Variants in PHF14 observed in about 807,000 individuals in gnomAD.
The protein encoded by PHF14 is PHD finger protein 14.
In PHF14, 55 loss-of-function variants were observed where a neutral mutation model predicts 117.9. That is an observed-to-expected ratio of 0.47 (90% confidence interval 0.38 to 0.58). The LOEUF (loss-of-function observed/expected upper bound fraction) is 0.58, where lower values mean the gene tolerates loss of function less well. Ranked by LOEUF, PHF14 falls within the 20% of genes least tolerant of loss-of-function variation. The pLI, the probability that PHF14 is intolerant of heterozygous loss-of-function variation, is 0.00. For synonymous variants in PHF14, 409 were observed against 368.6 expected (o/e 1.11, Z -1.26); for missense variants, 978 against 1,122.2 (o/e 0.87, Z 1.84).
chr7:11,128,755 C>T (rs182869347), intron 17 of PHF14, among the ~76,000 whole-genome samples: 33 of 151,356 alleles, frequency 2.2e-4, no homozygotes, highest in African/African-American at 7.3e-4. Flanking sequence ...CATTCTCCCT[C>T]CTCTCTCCCT....
rs1442331540 is a variant in PHF14 at position 11,081,489 on chromosome 7, C to T, written c.2654+19404C>T. ...GTAAATTTTCATCCTCTTATTTGAC[C>T]CCTTATTCAGCCATTTTTTAAAAAG... On this transcript the variant is annotated intron_variant, in intron 16 of 17. Transcript: ENST00000634607. 2.6e-5 allele frequency among the ~76,000 whole-genome samples: 4 copies of T among 151,914 alleles called. 1 individual carries two copies. The highest frequency in any genetic ancestry group is 4.1e-4 in the South Asian group (2 of 4,820).
intron 11 of PHF14, 21 bp downstream of exon 11, chr7:11,038,876 T>C (rs1339678441): frequency 3.4e-6 from 4 of 1,188,280 alleles, no homozygotes; most frequent in South Asian, 1.4e-5. Context: ...TTCCAATTGC[T>C]GTCTCCTTCA....
chr7:11,060,895 A>G (rs1385453582), intron 14 of PHF14, among the ~76,000 whole-genome samples: 1 of 124,744 alleles, frequency 8.0e-6, no homozygotes, highest in Non-Finnish European at 1.6e-5. Context: ...CATGGTATTA[A>G]ATAACAGTGT....
intron 16 of PHF14, among the ~76,000 whole-genome samples, chr7:11,085,610 C>T (rs1395089321): frequency 6.6e-6 from 1 of 152,098 alleles, no homozygotes; most frequent in Non-Finnish European, 1.5e-5. Flanking sequence ...GGTGACCAAC[C>T]TTCCTCCTTA....
intron 13 of PHF14, 133 bp from the exon 14 acceptor site, chr7:11,051,479 C>A: frequency 3.0e-6 from 2 of 660,874 alleles, no homozygotes; most frequent in Non-Finnish European, 4.9e-6. Flanking sequence ...TCATTATGTA[C>A]CCTATAATCA....
chr7:11,016,502 A>G (rs1034057788), intron 5 of PHF14, among the ~76,000 whole-genome samples: 16 of 152,192 alleles, frequency 1.1e-4, no homozygotes, highest in Admixed American at 5.2e-4. Context: ...CATTCTTGTC[A>G]TTAAATTTTT....
chr7:11,062,949 G>C, intron 16 of PHF14: 4 of 951,024 alleles, frequency 4.2e-6, no homozygotes, highest in Non-Finnish European at 2.5e-6. Context: ...TAAATTAACT[G>C]AGGACACAGA....
chr7:10,995,717 G>A (rs989178759), intron 4 of PHF14, among the ~76,000 whole-genome samples: 1 of 152,208 alleles, frequency 6.6e-6, no homozygotes, highest in Non-Finnish European at 1.5e-5. Flanking sequence ...GCTGAGGCCC[G>A]GCGAGAATTT....
chr7:11,132,301 G>A (rs1182734414), intron 17 of PHF14, among the ~76,000 whole-genome samples: 8 of 113,702 alleles, frequency 7.0e-5, no homozygotes, highest in Non-Finnish European at 1.2e-4. Context: ...GTATAATTGA[G>A]ATTTTTTTTT....
Position 11,104,444 on chromosome 7 carries a change from C to T in PHF14, c.2655-6906C>T, listed in dbSNP as rs543405191. ...TATAAAATTATTCCGTGTCCATAAT[C>T]GGTCCAACTACTATAAGGAGAAAAT... is the stretch of plus-strand genomic sequence containing the variant. On this transcript the variant is annotated intron_variant, in intron 16 of 17. Transcript: ENST00000634607. 9.0e-4 allele frequency: 863 copies of T among 964,166 alleles called. 2 individuals are homozygous for T. Among genetic ancestry groups the T allele is most frequent in the Non-Finnish European group, 1.0e-3 (830 of 811,016 alleles). 59.7% of individuals were successfully genotyped at this position (964,166 alleles called of 1,614,324 possible). A position where few individuals can be genotyped will look rare whatever the true frequency, so the allele number is the denominator to read the frequency against.
intron 17 of PHF14, among the ~76,000 whole-genome samples, chr7:11,162,279 G>A (rs563161113): frequency 6.6e-6 from 1 of 151,642 alleles, no homozygotes; most frequent in East Asian, 2.0e-4. Context: ...TAGTGGAGAC[G>A]GGGTTTCTCC....
intron 17 of PHF14, among the ~76,000 whole-genome samples, chr7:11,168,865 C>G (rs367972044): frequency 1.6e-4 from 25 of 152,180 alleles, no homozygotes; most frequent in East Asian, 1.5e-3. Context: ...CCATGTTCCA[C>G]AGGAACCTGC....
At chr7:11,129,820 A>C (rs1175980944) in intron 17 of PHF14, among the ~76,000 whole-genome samples, 1 of 152,010 alleles carries the variant, frequency 6.6e-6, no homozygotes, top group Non-Finnish European at 1.5e-5. Context: ...TATGATATCA[A>C]ATTTAAAGTG....
At chr7:11,122,444 TA>T (rs1302488192) in intron 17 of PHF14, among the ~76,000 whole-genome samples, 1 of 119,446 alleles carries the variant, frequency 8.4e-6, no homozygotes, top group Non-Finnish European at 1.8e-5. Context: ...TATATATACG[TA>T]TATATATATA....
intron 4 of PHF14, among the ~76,000 whole-genome samples, chr7:10,994,595 G>C (rs1782568131): frequency 6.6e-6 from 1 of 152,150 alleles, no homozygotes; most frequent in Non-Finnish European, 1.5e-5. Context: ...ACTGATTTTA[G>C]ATTTTATTAT....
intron 13 of PHF14, among the ~76,000 whole-genome samples, chr7:11,050,879 G>C (rs74597858): frequency 0.018 from 2,769 of 152,112 alleles, 85 homozygotes; most frequent in African/African-American, 0.063. Flanking sequence ...GAGTCTGTTT[G>C]TATAGTTTCT....
At chr7:11,104,896 G>A (rs1787209020) in intron 16 of PHF14, 1 of 978,026 alleles carries the variant, frequency 1.0e-6, no homozygotes, top group Non-Finnish European at 1.2e-6. Context: ...ACATCGTTGT[G>A]TTGTGCTTAA....
At chr7:11,154,818 T>C (rs1583508081) in intron 17 of PHF14, among the ~76,000 whole-genome samples, 2 of 152,196 alleles carry the variant, frequency 1.3e-5, no homozygotes, top group African/African-American at 2.4e-5. Context: ...TTAAATGTAA[T>C]CATTCACCCA....
intron 10 of PHF14, 104 bp from the exon 11 acceptor site, chr7:11,038,656 C>G (rs1401426068): frequency 1.4e-5 from 3 of 211,542 alleles, no homozygotes; most frequent in Non-Finnish European, 2.4e-5. Flanking sequence ...GACTCTGTCT[C>G]AAAAAAAAAA....
Sources: allele counts gnomAD v4.1 joint callset (sites outside exome capture counted in the v4.1 genomes callset), GRCh38; gene constraint gnomAD v4.1.1; transcripts MANE v1.5; gene names NCBI Gene and HGNC (gene_info 2026-07-23, HGNC 2026-07-21).